Variants in CNTNAP2 observed in about 807,000 individuals in gnomAD.
The protein encoded by CNTNAP2 is contactin associated protein 2.
A neutral mutation model predicts 155.2 loss-of-function variants in CNTNAP2; 98 were observed. The observed-to-expected ratio is 0.63, with a 90% CI of 0.54 to 0.75. CNTNAP2 has a LOEUF of 0.75. Among genes scored for constraint, CNTNAP2 ranks in the 30% least tolerant of loss-of-function variants. CNTNAP2 has a pLI of 0.00. For missense variants in CNTNAP2, 1,727 were observed against 1,688.1 expected (o/e 1.02, Z -0.40); for synonymous variants, 651 against 631.2 (o/e 1.03, Z -0.47).
intron 9 of CNTNAP2, among the ~76,000 whole-genome samples, chr7:147,310,635 T>C (rs1474276733): frequency 6.6e-6 from 1 of 152,286 alleles, no homozygotes; most frequent in East Asian, 1.9e-4. Flanking sequence ...CATAAATAAG[T>C]CTACAGTTTA....
chr7:147,290,958 C>T (rs1013081395), intron 8 of CNTNAP2, among the ~76,000 whole-genome samples: 3 of 152,010 alleles, frequency 2.0e-5, no homozygotes, highest in Admixed American at 6.6e-5. Flanking sequence ...TCATGACATG[C>T]GCAGATCTTA....
intron 1 of CNTNAP2, among the ~76,000 whole-genome samples, chr7:146,557,759 C>G (rs1223757109): frequency 1.3e-5 from 2 of 152,124 alleles, no homozygotes; most frequent in African/African-American, 4.8e-5. Context: ...TTTGTATGCT[C>G]CCTGTGTGTG....
chr7:146,647,900 G>C (rs1262056914), intron 1 of CNTNAP2, among the ~76,000 whole-genome samples: 1 of 152,200 alleles, frequency 6.6e-6, no homozygotes, highest in Non-Finnish European at 1.5e-5. Context: ...ACATGCCACA[G>C]TTACATTAGC....
intron 13 of CNTNAP2, among the ~76,000 whole-genome samples, chr7:147,823,695 T>C (rs920270067): frequency 6.7e-6 from 1 of 149,950 alleles, no homozygotes; most frequent in African/African-American, 2.5e-5. Context: ...CAAAAATCAA[T>C]ACCAATTACT....
chr7:146,584,473 A>T (rs1440381932), intron 1 of CNTNAP2, among the ~76,000 whole-genome samples: 1 of 152,214 alleles, frequency 6.6e-6, no homozygotes, highest in Non-Finnish European at 1.5e-5. Context: ...TGAGCTGGGG[A>T]AACAGTCATG....
intron 15 of CNTNAP2, among the ~76,000 whole-genome samples, chr7:148,003,296 A>G (rs1207221941): frequency 1.3e-5 from 2 of 152,166 alleles, no homozygotes; most frequent in Admixed American, 1.3e-4. Flanking sequence ...GCAGTGGGAT[A>G]GATATGCTTC....
At chr7:147,934,557 C>T (rs942831199) in intron 14 of CNTNAP2, among the ~76,000 whole-genome samples, 1 of 152,100 alleles carries the variant, frequency 6.6e-6, no homozygotes, top group African/African-American at 2.4e-5. Context: ...ACAGCAAAAC[C>T]AGATCAAATA....
intron 13 of CNTNAP2, among the ~76,000 whole-genome samples, chr7:147,877,372 A>G (rs1799439491): frequency 6.6e-6 from 1 of 152,208 alleles, no homozygotes; most frequent in African/African-American, 2.4e-5. Context: ...CACTGAGCTA[A>G]ACATTATGAA....
intron 4 of CNTNAP2, among the ~76,000 whole-genome samples, chr7:147,073,026 G>T (rs1436799822): frequency 6.6e-6 from 1 of 150,604 alleles, no homozygotes; most frequent in Non-Finnish European, 1.5e-5. Flanking sequence ...CTAATTTTTT[G>T]CATTTTTAGT....
At chr7:146,453,908 A>T (rs369351891) in intron 1 of CNTNAP2, among the ~76,000 whole-genome samples, 1 of 152,132 alleles carries the variant, frequency 6.6e-6, no homozygotes. Context: ...TCAGTGAGCT[A>T]TGGGGCAACT....
At chr7:146,832,107 A>C (rs1434024652) in intron 2 of CNTNAP2, among the ~76,000 whole-genome samples, 2 of 152,158 alleles carry the variant, frequency 1.3e-5, no homozygotes, top group Non-Finnish European at 2.9e-5. Context: ...CATAGATCAC[A>C]TGACCTCCTT....
chr7:146,952,810 G>A (rs1797349145), intron 3 of CNTNAP2, among the ~76,000 whole-genome samples: 1 of 151,950 alleles, frequency 6.6e-6, no homozygotes, highest in Non-Finnish European at 1.5e-5. Flanking sequence ...AGGCACATAA[G>A]ATCACAGAGA....
chr7:147,840,897 A>G (rs983355639), intron 13 of CNTNAP2, among the ~76,000 whole-genome samples: 30 of 150,456 alleles, frequency 2.0e-4, no homozygotes, highest in Non-Finnish European at 1.0e-4. Flanking sequence ...TGACTTTATG[A>G]AAAAAAAAAT....
At chr7:146,360,515 TTAGAA>T (rs67720113) in intron 1 of CNTNAP2, among the ~76,000 whole-genome samples, 4,459 of 152,226 alleles carry the variant, frequency 0.029, 199 homozygotes, top group African/African-American at 0.1. Context: ...CTATGAAGGT[TTAGAA>T]TAGAGGGAGT....
intron 1 of CNTNAP2, among the ~76,000 whole-genome samples, chr7:146,623,962 G>A (rs919432072): frequency 4.0e-5 from 6 of 151,848 alleles, no homozygotes; most frequent in African/African-American, 7.2e-5. Flanking sequence ...TAGTAGTTCC[G>A]TAGTGCCACC....
At chr7:146,400,061 C>T (rs970240111) in intron 1 of CNTNAP2, among the ~76,000 whole-genome samples, 2 of 152,090 alleles carry the variant, frequency 1.3e-5, no homozygotes, top group Admixed American at 1.3e-4. Context: ...ACCCTCTTGC[C>T]TTTTTACCTT....
At chr7:146,234,207 T>C (rs938332125) in intron 1 of CNTNAP2, among the ~76,000 whole-genome samples, 5 of 152,054 alleles carry the variant, frequency 3.3e-5, no homozygotes, top group African/African-American at 1.2e-4. Context: ...TGCATTTCTC[T>C]GATGGCCAGT....
At position 147,016,785 on chromosome 7, in the gene CNTNAP2, G is replaced by A. The variant is rs116744698; in HGVS notation, c.403-27122G>A. Among the ~76,000 whole-genome samples the A allele has an allele frequency of 6.0e-3, 906 of 151,932 alleles. 16 individuals carry two copies. Among genetic ancestry groups the A allele is most frequent in the African/African-American group, 0.021 (869 of 41,446 alleles). On this transcript the variant is annotated intron_variant, in intron 3 of 23. Transcript: ENST00000361727. ...TTAATTGTTTTTCAAGGAAAAATGG[G>A]GCTCAAAGTGAATGGGCCACAGGGA...
intron 1 of CNTNAP2, among the ~76,000 whole-genome samples, chr7:146,219,431 T>G (rs1468206401): frequency 1.3e-5 from 2 of 152,254 alleles, no homozygotes; most frequent in Non-Finnish European, 2.9e-5. Flanking sequence ...GAGGTAACAC[T>G]TCACTATAAC....
Sources: allele counts gnomAD v4.1 joint callset (sites outside exome capture counted in the v4.1 genomes callset), GRCh38; gene constraint gnomAD v4.1.1; transcripts MANE v1.5; gene names NCBI Gene and HGNC (gene_info 2026-07-23, HGNC 2026-07-21).